Variants in TENM2 observed in about 807,000 individuals in gnomAD.
The protein encoded by TENM2 is teneurin transmembrane protein 2.
Under a neutral mutation model 245.2 loss-of-function variants are expected in TENM2, and 52 were observed. The observed-to-expected ratio is 0.21, with a 90% confidence interval of 0.17 to 0.27. TENM2 has a LOEUF of 0.27. Ranked by LOEUF, TENM2 falls within the 10% of genes least tolerant of loss-of-function variation. The probability of loss-of-function intolerance (pLI) is 1.00; values close to 1 mark genes in which losing one functional copy is unlikely to be tolerated. For missense variants in TENM2, 3,046 were observed against 3,666.8 expected, an observed-to-expected ratio of 0.83 and a Z score of 4.37; for synonymous variants, 1,363 against 1,438.9, an observed-to-expected ratio of 0.95 and a Z score of 1.19.
the TENM2 span, among the ~76,000 whole-genome samples, chr5:167,243,685 C>T: frequency 6.6e-6 from 1 of 152,138 alleles, no homozygotes; most frequent in Non-Finnish European, 1.5e-5. Flanking sequence ...CTGCCCCACC[C>T]TTTTTTGAGA....
chr5:167,689,544 C>T (rs566455585), intron 2 of TENM2, among the ~76,000 whole-genome samples: 4 of 152,192 alleles, frequency 2.6e-5, no homozygotes, highest in African/African-American at 9.6e-5. Flanking sequence ...AAATGATCAC[C>T]GAATTCATTT....
intron 1 of TENM2, among the ~76,000 whole-genome samples, chr5:167,353,590 C>A (rs1388239737): frequency 7.5e-6 from 1 of 133,402 alleles, no homozygotes; most frequent in Non-Finnish European, 1.5e-5. Flanking sequence ...TCACTGCAAG[C>A]TCCGCCTCCC....
chr5:168,143,009 A>G (rs372548253), intron 12 of TENM2, among the ~76,000 whole-genome samples: 2 of 152,182 alleles, frequency 1.3e-5, no homozygotes. Context: ...ACATGAATCC[A>G]CTGTAAGTTA....
intron 2 of TENM2, among the ~76,000 whole-genome samples, chr5:167,376,515 A>G (rs979679081): frequency 2.6e-5 from 4 of 152,232 alleles, no homozygotes; most frequent in African/African-American, 9.6e-5. Context: ...GCATAGCTAA[A>G]TATCATTTAA....
exon 27 of TENM2, chr5:168,248,137 G>T: frequency 6.2e-7 from 1 of 1,613,946 alleles, no homozygotes; most frequent in Non-Finnish European, 8.5e-7. Flanking sequence ...GATTTATTAT[G>T]ACTCCAACCC....
At chr5:167,708,228 G>T (rs1758666088) in intron 2 of TENM2, among the ~76,000 whole-genome samples, 1 of 144,842 alleles carries the variant, frequency 6.9e-6, no homozygotes, top group Non-Finnish European at 1.5e-5. Flanking sequence ...GGGGAAGAAA[G>T]TGATGGAGAG....
chr5:167,933,668 G>GA (rs71593154), intron 3 of TENM2, among the ~76,000 whole-genome samples: 74 of 144,442 alleles, frequency 5.1e-4, no homozygotes, highest in Non-Finnish European at 6.1e-4. Context: ...AATAAATTGT[G>GA]AAAAAAAAAA....
intron 7 of TENM2, among the ~76,000 whole-genome samples, chr5:168,070,097 G>A (rs1453823160): frequency 6.6e-6 from 1 of 152,164 alleles, no homozygotes; most frequent in Non-Finnish European, 1.5e-5. Context: ...ACTGTCCTGT[G>A]TGTTTCATTG....
chr5:168,251,320 G>A (rs557694462), intron 27 of TENM2, among the ~76,000 whole-genome samples: 22 of 152,330 alleles, frequency 1.4e-4, no homozygotes, highest in African/African-American at 5.3e-4. Flanking sequence ...ATAATTAGCA[G>A]GGTTTTCTGA....
At chr5:167,041,598 T>G in the TENM2 span, among the ~76,000 whole-genome samples, 1 of 152,204 alleles carries the variant, frequency 6.6e-6, no homozygotes, top group Non-Finnish European at 1.5e-5. Flanking sequence ...AGTCTTGAAT[T>G]TTTTAACCAA....
At chr5:167,567,093 A>G (rs1449018575) in intron 2 of TENM2, among the ~76,000 whole-genome samples, 1 of 152,190 alleles carries the variant, frequency 6.6e-6, no homozygotes, top group African/African-American at 2.4e-5. Flanking sequence ...TATATCACAA[A>G]CCTTTAATCA....
At chr5:168,158,155 T>C (rs1032435045) in intron 12 of TENM2, among the ~76,000 whole-genome samples, 3 of 152,156 alleles carry the variant, frequency 2.0e-5, no homozygotes, top group Admixed American at 6.5e-5. Context: ...ACTCCGGACT[T>C]CAGGTGATCC....
At chr5:167,008,996 A>C in the TENM2 span, among the ~76,000 whole-genome samples, 4 of 152,268 alleles carry the variant, frequency 2.6e-5, no homozygotes, top group South Asian at 8.3e-4. Context: ...AAATGATCAG[A>C]GGCCTGGCTG....
intron 2 of TENM2, among the ~76,000 whole-genome samples, chr5:167,384,456 C>A (rs1236011855): frequency 1.3e-5 from 2 of 152,032 alleles, no homozygotes; most frequent in African/African-American, 2.4e-5. Context: ...GGGACACTTT[C>A]TAGTCTAGAA....
chr5:167,467,690 C>T (rs1220600923), intron 2 of TENM2, among the ~76,000 whole-genome samples: 1 of 152,096 alleles, frequency 6.6e-6, no homozygotes, highest in Admixed American at 6.5e-5. Flanking sequence ...AAAATAAGAA[C>T]ATATTTTATA....
intron 1 of TENM2, among the ~76,000 whole-genome samples, chr5:167,291,809 T>C (rs1348503909): frequency 1.3e-5 from 2 of 152,332 alleles, no homozygotes; most frequent in South Asian, 2.1e-4. Flanking sequence ...ATGCTCCTAA[T>C]GCTAGTGAGG....
At chr5:167,075,335 G>A in the TENM2 span, among the ~76,000 whole-genome samples, 364 of 152,208 alleles carry the variant, frequency 2.4e-3, 5 homozygotes, top group African/African-American at 8.4e-3. Context: ...CCTCTTGGTC[G>A]TTCATCATCC....
At chr5:168,261,693 A>G (rs965743570) in intron 28 of TENM2, among the ~76,000 whole-genome samples, 4 of 152,226 alleles carry the variant, frequency 2.6e-5, no homozygotes, top group African/African-American at 9.6e-5. Context: ...GCCAACCATC[A>G]GAGTACAGAA....
intron 11 of TENM2, 36 bp downstream of exon 13, chr5:168,125,086 A>G: frequency 3.2e-6 from 5 of 1,549,170 alleles, no homozygotes; most frequent in Non-Finnish European, 4.4e-6. Flanking sequence ...TCTCTCCAAC[A>G]CTCCTGCCCT....
Sources: gnomAD v4.1 joint callset for allele counts (sites outside exome capture counted in the v4.1 genomes callset) on GRCh38, gnomAD v4.1.1 for gene constraint, MANE v1.5 for transcripts, NCBI Gene and HGNC (gene_info 2026-07-23, HGNC 2026-07-21) for gene names.